Variants in CAV1 observed in about 807,000 individuals in gnomAD.
CAV1 encodes the protein caveolin-1.
A neutral mutation model predicts 16.5 loss-of-function variants in CAV1; 10 were observed. That is an observed-to-expected ratio of 0.61 (90% CI 0.37 to 1.03). The LOEUF (loss-of-function observed/expected upper bound fraction) is 1.03, where lower values mean the gene tolerates loss of function less well. CAV1 is among the 50% of genes least tolerant of loss of function. CAV1 has a pLI of 0.01. For synonymous variants in CAV1, 76 were observed against 85.1 expected, an observed-to-expected ratio of 0.89 and a Z score of 0.59; for missense variants, 212 against 232.8, an observed-to-expected ratio of 0.91 and a Z score of 0.58.
At chr7:116,547,603 CCTT>C (rs1794075939) in intron 2 of CAV1, among the ~76,000 whole-genome samples, 1 of 152,168 alleles carries the variant, frequency 6.6e-6, no homozygotes, top group Non-Finnish European at 1.5e-5. Context: ...ATGAGCTCAT[CCTT>C]CTTGCTTGCT....
At chr7:116,530,074 A>G (rs1046850780) in intron 2 of CAV1, among the ~76,000 whole-genome samples, 2 of 152,236 alleles carry the variant, frequency 1.3e-5, no homozygotes, top group African/African-American at 2.4e-5. Flanking sequence ...TAATTCCTAC[A>G]ATAAATCCTA....
At chr7:116,555,513 AAAGAAAGAGAGAGAGAGAGAGAGAGAGAG>A (rs1794253830) in intron 2 of CAV1, among the ~76,000 whole-genome samples, 6 of 13,226 alleles carry the variant, frequency 4.5e-4, no homozygotes, top group African/African-American at 5.9e-4. Context: ...AGAAAGAAAG[AAAGAAAGAGAGAGAGAGAGAGAGAGAGAG>A]AGAAAGAAAG....
In CAV1 at chr7:116,559,613, GGA is replaced by G; in HGVS notation, c.*327_*328del. On this transcript the variant is annotated 3_prime_UTR_variant, in exon 3 of 3. Coordinates refer to ENST00000341049, the MANE Select transcript of CAV1 (RefSeq NM_001753.5). The stretch of plus-strand genomic sequence containing the variant: ...TGAGAGAAATATGAAGAACTGAGGA[GGA>G]AAAAAAAAAAAAAGAAAAGAACCAA... 4.7e-6 allele frequency: 2 copies of G among 421,418 alleles called. No homozygotes were observed. Among genetic ancestry groups the G allele is most frequent in the Non-Finnish European group, 4.1e-6 (1 of 243,570 alleles). The allele number at this position is 421,418 out of a possible 1,614,324, so 26.1% of individuals were successfully genotyped here.
chr7:116,547,862 G>A (rs962418121), intron 2 of CAV1, among the ~76,000 whole-genome samples: 6 of 152,114 alleles, frequency 3.9e-5, no homozygotes, highest in African/African-American at 7.2e-5. Context: ...CTATCATACC[G>A]CATCTTACAG....
intron 2 of CAV1, chr7:116,551,968 A>C (rs1412042074): frequency 6.5e-6 from 1 of 154,066 alleles, no homozygotes; most frequent in African/African-American, 2.4e-5. Flanking sequence ...ACAACATGGC[A>C]GCTGGTTTCC....
chr7:116,549,074 C>A (rs1427969481), intron 2 of CAV1, among the ~76,000 whole-genome samples: 1 of 152,172 alleles, frequency 6.6e-6, no homozygotes, highest in African/African-American at 2.4e-5. Flanking sequence ...TCTTTTCCTG[C>A]ACAGACACAT....
chr7:116,534,382 TATA>T (rs1218033306), intron 2 of CAV1, among the ~76,000 whole-genome samples: 11 of 12,238 alleles, frequency 9.0e-4, no homozygotes, highest in East Asian at 7.5e-3. Context: ...TATATATATA[TATA>T]TATATATATA....
At chr7:116,534,395 A>ATATATATATATTT (rs1442237865) in intron 2 of CAV1, among the ~76,000 whole-genome samples, 2 of 7,834 alleles carry the variant, frequency 2.6e-4, no homozygotes, top group African/African-American at 3.3e-4. Flanking sequence ...ATATATATAT[A>ATATATATATATTT]TTTTTTTTTT....
rs1275912309 is a variant in CAV1 at position 116,525,109 on chromosome 7, G to C, written c.30+17G>C. ...GACTCGGAGGTAGGCATCCGTGGGG[G>C]GGCGCCGGCTCGGGCGTGCGGGGAG... On this transcript the variant is annotated intron_variant, in intron 1 of 2. Coordinates refer to ENST00000341049, the MANE Select transcript of CAV1 (RefSeq NM_001753.5). 1.9e-6 allele frequency: 3 copies of C among 1,614,200 alleles called. No homozygotes were observed. The highest frequency in any genetic ancestry group is 2.5e-6 in the Non-Finnish European group (3 of 1,180,020).
At chr7:116,555,668 AAGAG>A (rs756619607) in intron 2 of CAV1, among the ~76,000 whole-genome samples, 13 of 146,668 alleles carry the variant, frequency 8.9e-5, no homozygotes, top group South Asian at 4.3e-4. Context: ...GGAAGGAAGG[AAGAG>A]AGAGAGAGAG....
At chr7:116,542,863 T>C (rs956257797) in intron 2 of CAV1, 2 of 152,182 alleles carry the variant, frequency 1.3e-5, no homozygotes, top group Non-Finnish European at 2.9e-5. Context: ...GCTGACAACA[T>C]GCACTAGTTT....
chr7:116,528,735 G>A (rs1793624662), intron 2 of CAV1, among the ~76,000 whole-genome samples: 1 of 152,050 alleles, frequency 6.6e-6, no homozygotes, highest in Non-Finnish European at 1.5e-5. Flanking sequence ...CAGAAACAGG[G>A]ATGATTCTCT....
intron 2 of CAV1, among the ~76,000 whole-genome samples, chr7:116,535,079 T>C (rs1793780368): frequency 6.6e-6 from 1 of 152,136 alleles, no homozygotes; most frequent in Non-Finnish European, 1.5e-5. Flanking sequence ...GGGGTGACCA[T>C]ATATTCTAGG....
intron 2 of CAV1, among the ~76,000 whole-genome samples, chr7:116,558,613 T>A (rs1266720305): frequency 6.9e-6 from 1 of 145,500 alleles, no homozygotes; most frequent in Non-Finnish European, 1.5e-5. Context: ...ATTAGCCAAG[T>A]GTGGTGGCAT....
chr7:116,536,329 G>A (rs1793815038), intron 2 of CAV1, among the ~76,000 whole-genome samples: 1 of 152,184 alleles, frequency 6.6e-6, no homozygotes, highest in African/African-American at 2.4e-5. Flanking sequence ...ACCCAATCAG[G>A]CTCAGGTGTG....
At chr7:116,525,151 C>T in intron 1 of CAV1, 59 bp downstream of exon 1, 1 of 1,614,178 alleles carries the variant, frequency 6.2e-7, no homozygotes, top group Non-Finnish European at 8.5e-7. Context: ...CTTCTGCTAT[C>T]TGCCTCTCCA....
intron 2 of CAV1, among the ~76,000 whole-genome samples, chr7:116,549,248 C>A (rs1794111494): frequency 6.6e-6 from 1 of 152,220 alleles, no homozygotes; most frequent in Admixed American, 6.5e-5. Context: ...TCCCTGAAGC[C>A]CCCTCCTCAT....
intron 2 of CAV1, among the ~76,000 whole-genome samples, chr7:116,531,190 C>T (rs1793680408): frequency 6.6e-6 from 1 of 152,092 alleles, no homozygotes; most frequent in Non-Finnish European, 1.5e-5. Context: ...TGAAATGTAT[C>T]ATTAAAGAAG....
At chr7:116,550,530 G>T (rs1365968073) in intron 2 of CAV1, among the ~76,000 whole-genome samples, 2 of 152,138 alleles carry the variant, frequency 1.3e-5, no homozygotes, top group African/African-American at 4.8e-5. Flanking sequence ...TTGCCCCTGA[G>T]AAAACACATG....
Sources: allele counts gnomAD v4.1 joint callset (sites outside exome capture counted in the v4.1 genomes callset), GRCh38; gene constraint gnomAD v4.1.1; transcripts MANE v1.5; gene names NCBI Gene and HGNC (gene_info 2026-07-23, HGNC 2026-07-21).